GPC6: variants seen among roughly 807,000 people sequenced by gnomAD.
The protein encoded by GPC6 is glypican 6.
A neutral mutation model predicts 55.2 loss-of-function variants in GPC6; 14 were observed. That is an observed-to-expected ratio of 0.25 (90% CI 0.17 to 0.40). The LOEUF (loss-of-function observed/expected upper bound fraction) is 0.40. Among genes scored for constraint, GPC6 ranks in the 10% least tolerant of loss-of-function variants. The pLI, the probability that GPC6 is intolerant of heterozygous loss-of-function variation, is 1.00. For missense variants in GPC6, 641 were observed against 708.5 expected (o/e 0.90, Z 1.08); for synonymous variants, 278 against 259.6 (o/e 1.07, Z -0.68).
intron 4 of GPC6, among the ~76,000 whole-genome samples, chr13:94,280,854 C>T (rs1892359289): frequency 6.6e-6 from 1 of 152,100 alleles, no homozygotes; most frequent in South Asian, 2.1e-4. Context: ...TTACAGATTT[C>T]ATTTTTCAAA....
At chr13:93,367,227 A>C (rs775476689) in intron 1 of GPC6, among the ~76,000 whole-genome samples, 1 of 152,124 alleles carries the variant, frequency 6.6e-6, no homozygotes, top group African/African-American at 2.4e-5. Flanking sequence ...CTCTTTGTTA[A>C]ATAATAGTGT....
At chr13:93,517,826 A>G (rs1881258877) in intron 1 of GPC6, among the ~76,000 whole-genome samples, 1 of 152,052 alleles carries the variant, frequency 6.6e-6, no homozygotes. Flanking sequence ...AAATGCCTTC[A>G]TATTAGATAA....
chr13:94,194,222 T>C (rs1889491106), intron 4 of GPC6, among the ~76,000 whole-genome samples: 1 of 152,234 alleles, frequency 6.6e-6, no homozygotes, highest in African/African-American at 2.4e-5. Context: ...AATAAAAGTA[T>C]AGGATATATA....
chr13:94,000,837 C>T lies in GPC6; in HGVS notation c.712-26892C>T, dbSNP rs560207211. Reference sequence around the variant, plus strand: ...TGTCTTCTGGTGTGGGACTCTATAGCTGTTCACAATGCACATCAAGATGCC... The same window carrying T: ...TGTCTTCTGGTGTGGGACTCTATAGTTGTTCACAATGCACATCAAGATGCC... On this transcript the variant is annotated intron_variant, in intron 3 of 8. Coordinates refer to ENST00000377047, the MANE Select transcript of GPC6 (RefSeq NM_005708.5). Among the ~76,000 whole-genome samples, 5 of 152,246 alleles carry T rather than the reference C, an allele frequency of 3.3e-5. 1 individual carries two copies. The South Asian group carries it at 8.3e-4, about 25-fold the overall frequency.
chr13:93,596,606 A>ATAT (rs1555314936), intron 2 of GPC6, among the ~76,000 whole-genome samples: 35 of 54,802 alleles, frequency 6.4e-4, no homozygotes, highest in African/African-American at 3.4e-3. Flanking sequence ...TAAATAAATA[A>ATAT]ATAAATATAT....
chr13:93,405,287 T>C (rs150740513), intron 1 of GPC6, among the ~76,000 whole-genome samples: 465 of 152,276 alleles, frequency 3.1e-3, no homozygotes, highest in Non-Finnish European at 4.5e-3. Flanking sequence ...GGATCTGAGA[T>C]ATGGTGTTGC....
intron 2 of GPC6, among the ~76,000 whole-genome samples, chr13:93,808,635 G>C (rs1380142159): frequency 6.6e-6 from 1 of 152,146 alleles, no homozygotes; most frequent in African/African-American, 2.4e-5. Flanking sequence ...TTGTTAATAT[G>C]AACTGTATGT....
intron 2 of GPC6, among the ~76,000 whole-genome samples, chr13:93,758,347 G>A (rs148686223): frequency 1.3e-5 from 2 of 152,102 alleles, no homozygotes; most frequent in Non-Finnish European, 1.5e-5. Flanking sequence ...GAGGTATTGA[G>A]GGAGAAAGTC....
At chr13:93,817,184 G>A (rs140709990) in intron 2 of GPC6, among the ~76,000 whole-genome samples, 9 of 152,258 alleles carry the variant, frequency 5.9e-5, no homozygotes, top group Non-Finnish European at 7.4e-5. Context: ...AATGTAAGAC[G>A]TTGATGATAA....
chr13:93,457,856 T>C (rs1012862321), intron 1 of GPC6, among the ~76,000 whole-genome samples: 6 of 152,132 alleles, frequency 3.9e-5, no homozygotes, highest in Admixed American at 1.3e-4. Context: ...AAACTAGACA[T>C]CTATTTCGAA....
chr13:93,998,905 T>C (rs926868765), intron 3 of GPC6, among the ~76,000 whole-genome samples: 16 of 152,194 alleles, frequency 1.1e-4, no homozygotes, highest in South Asian at 4.1e-4. Flanking sequence ...ATAGTCACTA[T>C]GTTGTATAAT....
chr13:93,848,405 T>C (rs1383878762), intron 3 of GPC6, among the ~76,000 whole-genome samples: 1 of 152,030 alleles, frequency 6.6e-6, no homozygotes, highest in Admixed American at 6.6e-5. Flanking sequence ...CGTGCCTTGG[T>C]TTCTGCTGAA....
chr13:93,770,216 T>G (rs1885248756), intron 2 of GPC6, among the ~76,000 whole-genome samples: 1 of 152,210 alleles, frequency 6.6e-6, no homozygotes, highest in African/African-American at 2.4e-5. Context: ...TGCATATTTT[T>G]TAGTTATTGC....
At chr13:94,135,767 C>T (rs1220225104) in intron 4 of GPC6, among the ~76,000 whole-genome samples, 1 of 152,218 alleles carries the variant, frequency 6.6e-6, no homozygotes, top group Non-Finnish European at 1.5e-5. Context: ...TTGCTTGCAG[C>T]ATAGCATGAA....
intron 2 of GPC6, among the ~76,000 whole-genome samples, chr13:93,672,344 A>G (rs1449438055): frequency 6.6e-6 from 1 of 151,926 alleles, no homozygotes; most frequent in Non-Finnish European, 1.5e-5. Flanking sequence ...TGGCTTTTTC[A>G]TGAGTCCAGG....
chr13:93,412,421 C>T (rs1470687721), intron 1 of GPC6, among the ~76,000 whole-genome samples: 1 of 152,066 alleles, frequency 6.6e-6, no homozygotes, highest in Non-Finnish European at 1.5e-5. Flanking sequence ...TTTGAGAGGC[C>T]GAGGCAGGTG....
rs143666747 is a variant in GPC6, at chr13:94,159,362, A to C, written c.878-126987A>C. ...GTAATTTATAAAGAAAAAGAGATTT[A>C]ATGGACTCACAGCTCCACGTGGTTG... is the stretch of plus-strand genomic sequence containing the variant. On this transcript the variant is annotated intron_variant, in intron 4 of 8. Coordinates refer to ENST00000377047, the MANE Select transcript of GPC6 (RefSeq NM_005708.5). Among the ~76,000 whole-genome samples the C allele has an allele frequency of 7.6e-3, 1,155 of 152,300 alleles. 14 individuals are homozygous for C. Among genetic ancestry groups the C allele is most frequent in the African/African-American group, 0.027 (1,113 of 41,562 alleles).
intron 4 of GPC6, among the ~76,000 whole-genome samples, chr13:94,104,336 A>G (rs191189377): frequency 6.7e-4 from 102 of 152,248 alleles, no homozygotes; most frequent in Non-Finnish European, 9.7e-4. Context: ...AATAACAGCT[A>G]TATATGACAA....
chr13:93,393,127 T>TATATATATATATATATATAGAGAGAG (rs1230857277), intron 1 of GPC6, among the ~76,000 whole-genome samples: 5 of 87,618 alleles, frequency 5.7e-5, no homozygotes, highest in African/African-American at 2.0e-4. Flanking sequence ...TATATATATA[T>TATATATATATATATATATAGAGAGAG]AGAGAGAGAG....
Sources: gnomAD v4.1 joint callset for allele counts (sites outside exome capture counted in the v4.1 genomes callset) on GRCh38, gnomAD v4.1.1 for gene constraint, MANE v1.5 for transcripts, NCBI Gene and HGNC (gene_info 2026-07-23, HGNC 2026-07-21) for gene names.